The following GABRP variants were observed in gnomAD, a reference collection of about 807,000 sequenced individuals.
The protein encoded by GABRP is gamma-aminobutyric acid receptor subunit pi.
In GABRP, 52 loss-of-function variants were observed where a neutral mutation model predicts 47.8. That is an observed-to-expected ratio of 1.09 (90% CI 0.87 to 1.37). The LOEUF (loss-of-function observed/expected upper bound fraction) is 1.37. Ranked by LOEUF, GABRP falls within the 40% of genes most tolerant of loss-of-function variation. GABRP has a pLI of 0.00. For missense variants in GABRP, 525 were observed against 542.8 expected (o/e 0.97, Z 0.33); for synonymous variants, 221 against 205.8 (o/e 1.07, Z -0.63).
chr5:170,791,761 G>T (rs1581591140), intron 3 of GABRP, among the ~76,000 whole-genome samples: 1 of 152,214 alleles, frequency 6.6e-6, no homozygotes, highest in African/African-American at 2.4e-5. Context: ...CCGTAACCGT[G>T]CCAACCCAAC....
chr5:170,793,021 G>T (rs192817342), intron 3 of GABRP, among the ~76,000 whole-genome samples: 1 of 152,222 alleles, frequency 6.6e-6, no homozygotes, highest in East Asian at 1.9e-4. Flanking sequence ...ATTATTGAGC[G>T]CCTATTATTA....
At chr5:170,810,237 C>A (rs1314507627) in intron 9 of GABRP, among the ~76,000 whole-genome samples, 5 of 152,034 alleles carry the variant, frequency 3.3e-5, no homozygotes, top group African/African-American at 9.7e-5. Context: ...GAAAAACTGT[C>A]ATTATTTGGT....
intron 6 of GABRP, among the ~76,000 whole-genome samples, chr5:170,802,631 A>G (rs1413719743): frequency 1.3e-5 from 2 of 152,202 alleles, no homozygotes; most frequent in Non-Finnish European, 2.9e-5. Flanking sequence ...CTCAAATCCC[A>G]GGAGACAGAT....
rs558358684 is a variant in GABRP, at chr5:170,790,059, A to G, written c.172+812A>G. Reference sequence around the variant, plus strand: ...CTGATTTCATGTCTGTCCCGGCTCCAGGCTGCAGCCCTAGAAGGAGTCTGA... The same window carrying G: ...CTGATTTCATGTCTGTCCCGGCTCCGGGCTGCAGCCCTAGAAGGAGTCTGA... On this transcript the variant is annotated intron_variant, in intron 3 of 9. Transcript: ENST00000265294. Among the ~76,000 whole-genome samples the G allele has an allele frequency of 8.6e-4, 131 of 152,282 alleles. 1 individual carries two copies. The highest frequency in any genetic ancestry group is 3.1e-3 in the African/African-American group (128 of 41,550).
intron 7 of GABRP, among the ~76,000 whole-genome samples, chr5:170,807,966 C>A (rs1765780806): frequency 6.6e-6 from 1 of 152,144 alleles, no homozygotes; most frequent in Non-Finnish European, 1.5e-5. Context: ...ATAATAGAAG[C>A]ACAGCAGGAG....
rs78110410 is a variant in GABRP, at chr5:170,810,607, C to A, written c.1020+852C>A. Among the ~76,000 whole-genome samples, 224 of 152,106 alleles carry A rather than the reference C, an allele frequency of 1.5e-3. 4 individuals are homozygous for A. In the East Asian group the frequency reaches 0.033, roughly 22 times the overall value. On this transcript the variant is annotated intron_variant, in intron 9 of 9. Transcript: ENST00000265294. ...ATGGACCCCTAGTGTTATTTGGAAG[C>A]CAAATTTGATAGATAATGGCATTCT...
intron 1 of GABRP, 173 bp from the exon 2 acceptor site, chr5:170,788,401 A>T (rs1765179534): frequency 4.5e-6 from 2 of 439,738 alleles, no homozygotes; most frequent in Non-Finnish European, 8.0e-6. Context: ...AAATGAAGTC[A>T]TTCCTGGAGG....
At position 170,789,216 on chromosome 5, in the gene GABRP, A is replaced by T. The variant is rs772234500; in HGVS notation, c.141A>T (p.Gly47=). 2 of 1,614,000 alleles carry T rather than the reference A, an allele frequency of 1.2e-6. No homozygotes were observed. The highest frequency in any genetic ancestry group is 1.7e-6 in the Non-Finnish European group (2 of 1,179,898). The change falls in exon 3 of 10, where the codon GGA becomes GGT. Residue 47 remains glycine, a synonymous_variant. Coordinates refer to ENST00000265294, the MANE Select transcript of GABRP (RefSeq NM_014211.3). ...CTGGCTTTGAGAACCTCACAGCAGG[A>T]TATAACAAATTTCTCAGGCCCAATT... ...SLPGFENLTA[G]YNKFLRPNFG...
At chr5:170,791,857 T>C (rs1765279930) in intron 3 of GABRP, among the ~76,000 whole-genome samples, 1 of 152,244 alleles carries the variant, frequency 6.6e-6, no homozygotes, top group Non-Finnish European at 1.5e-5. Context: ...AGCAGAAGTT[T>C]ATTGGCTCAC....
chr5:170,811,682 C>G (rs987742479), intron 9 of GABRP, among the ~76,000 whole-genome samples: 3 of 152,160 alleles, frequency 2.0e-5, no homozygotes. Context: ...AAAGCCTGAG[C>G]ATTTCGCATC....
At chr5:170,806,965 A>T (rs1310338356) in intron 7 of GABRP, among the ~76,000 whole-genome samples, 4 of 151,270 alleles carry the variant, frequency 2.6e-5, no homozygotes, top group South Asian at 2.1e-4. Context: ...TATTTATTTG[A>T]GACAGTGTCT....
chr5:170,794,462 C>G, intron 4 of GABRP, 164 bp downstream of exon 4: 1 of 435,950 alleles, frequency 2.3e-6, no homozygotes, highest in Non-Finnish European at 4.1e-6. Flanking sequence ...AAACTCAAGA[C>G]AGTGGGAGAT....
chr5:170,786,488 A>G (rs1441311095), intron 1 of GABRP, among the ~76,000 whole-genome samples: 1 of 152,232 alleles, frequency 6.6e-6, no homozygotes, highest in Non-Finnish European at 1.5e-5. Flanking sequence ...CATTCAGACC[A>G]TGAGACACCT....
chr5:170,796,213 T>C (rs1051928652), intron 5 of GABRP, among the ~76,000 whole-genome samples: 1 of 152,192 alleles, frequency 6.6e-6, no homozygotes, highest in Non-Finnish European at 1.5e-5. Flanking sequence ...ACCGATAAAC[T>C]GAATTTCTGG....
intron 6 of GABRP, among the ~76,000 whole-genome samples, chr5:170,804,992 T>TTATATATTA (rs1554120348): frequency 4.7e-5 from 5 of 106,480 alleles, no homozygotes; most frequent in East Asian, 5.3e-4. Context: ...TTATATTATA[T>TTATATATTA]TATATATTAT....
chr5:170,793,105 G>A (rs900858505), intron 3 of GABRP, among the ~76,000 whole-genome samples: 2 of 152,136 alleles, frequency 1.3e-5, no homozygotes, highest in East Asian at 3.8e-4. Flanking sequence ...TGTCCGGCTA[G>A]GCAGGCACTT....
At chr5:170,798,703 A>G (rs1268739261) in intron 6 of GABRP, among the ~76,000 whole-genome samples, 1 of 152,166 alleles carries the variant, frequency 6.6e-6, no homozygotes, top group Non-Finnish European at 1.5e-5. Flanking sequence ...CAATGTACTC[A>G]TCATTTGTCA....
In GABRP at chr5:170,797,478, T is replaced by A. The variant is rs1432459440; in HGVS notation, c.471T>A (p.Thr157=). The A allele has an allele frequency of 6.2e-7, 1 of 1,609,842 alleles. No individual in the cohort carries two copies. Among genetic ancestry groups the A allele is most frequent in the African/African-American group, 1.3e-5 (1 of 74,822 alleles). The part of the protein sequence containing the change: ...TVLYALRITT[T]VACNMDLSKY... ...TTTTCCCTCTTAGAATCACGACAAC[T>A]GTTGCATGTAACATGGATCTGTCTA... The change falls in exon 6 of 10, where the codon ACT becomes ACA. Residue 157 remains threonine (T), a synonymous_variant. Coordinates refer to ENST00000265294, the MANE Select transcript of GABRP (RefSeq NM_014211.3).
Position 170,794,254 on chromosome 5 carries a change from A to G in GABRP, c.196A>G (p.Thr66Ala), listed in dbSNP as rs753821783. The G allele has an allele frequency of 1.2e-6, 2 of 1,611,800 alleles. No individual in the cohort carries two copies. The highest frequency in any genetic ancestry group is 2.2e-5 in the South Asian group (2 of 90,880). ...FGGEPVQIAL[T>A]LDIASISSIS... ...AGGAGAACCCGTACAGATAGCGCTG[A>G]CTCTGGACATTGCAAGTATCTCTAG... Residue 66 changes from threonine (T) to alanine (A), a missense_variant, in exon 4 of 10, where the codon ACT becomes GCT. Thr to Ala is a moderately conservative substitution (Grantham distance 58). Coordinates refer to ENST00000265294, the MANE Select transcript of GABRP (RefSeq NM_014211.3).
Sources: allele counts gnomAD v4.1 joint callset (sites outside exome capture counted in the v4.1 genomes callset), GRCh38; gene constraint gnomAD v4.1.1; transcripts MANE v1.5; gene names NCBI Gene and HGNC (gene_info 2026-07-23, HGNC 2026-07-21).